The following EDIL3 variants were observed in gnomAD, a reference collection of about 807,000 sequenced individuals.
EDIL3 encodes EGF-like repeat and discoidin I-like domain-containing protein 3.
In EDIL3, 37 loss-of-function variants were observed where a neutral mutation model predicts 67.4. That is an observed-to-expected ratio of 0.55 (90% CI 0.42 to 0.72). The LOEUF is 0.72. EDIL3 is among the 30% of genes least tolerant of loss of function. The pLI, the probability that EDIL3 is intolerant of heterozygous loss-of-function variation, is 0.00. For missense variants in EDIL3, 527 were observed against 586.3 expected (o/e 0.90, Z 1.04); for synonymous variants, 195 against 196.3 (o/e 0.99, Z 0.05).
At chr5:84,302,747 T>C (rs1348432372) in intron 1 of EDIL3, among the ~76,000 whole-genome samples, 1 of 152,216 alleles carries the variant, frequency 6.6e-6, no homozygotes, top group African/African-American at 2.4e-5. Context: ...TTCCAGATAG[T>C]ATCATCGACT....
chr5:83,986,966 G>T (rs1402504666), intron 9 of EDIL3, among the ~76,000 whole-genome samples: 1 of 152,054 alleles, frequency 6.6e-6, no homozygotes, highest in Non-Finnish European at 1.5e-5. Flanking sequence ...TCTTAGTAAC[G>T]AGCCATGATC....
At chr5:84,089,073 G>A (rs1452326747) in intron 6 of EDIL3, among the ~76,000 whole-genome samples, 2 of 152,142 alleles carry the variant, frequency 1.3e-5, no homozygotes, top group African/African-American at 4.8e-5. Flanking sequence ...ATGGAAATAG[G>A]AGAAGATGAA....
At chr5:84,132,463 T>TTATATATAATATATATTTTAA (rs1748000227) in intron 5 of EDIL3, among the ~76,000 whole-genome samples, 1 of 112,962 alleles carries the variant, frequency 8.9e-6, no homozygotes, top group Non-Finnish European at 1.7e-5. Flanking sequence ...ATTATGTATT[T>TTATATATAATATATATTTTAA]TATATATAAT....
At chr5:84,346,354 T>C (rs1414737780) in intron 1 of EDIL3, among the ~76,000 whole-genome samples, 1 of 152,164 alleles carries the variant, frequency 6.6e-6, no homozygotes, top group South Asian at 2.1e-4. Context: ...ATAGCACAAA[T>C]GCAGCCAGTG....
At chr5:84,340,550 A>C (rs1423077073) in intron 1 of EDIL3, among the ~76,000 whole-genome samples, 1,937 of 124,422 alleles carry the variant, frequency 0.016, 26 homozygotes, top group Non-Finnish European at 0.019. Flanking sequence ...ATATATATAT[A>C]TATATATATA....
At chr5:83,952,292 C>T (rs1345384651) in intron 10 of EDIL3, among the ~76,000 whole-genome samples, 1 of 151,714 alleles carries the variant, frequency 6.6e-6, no homozygotes, top group Admixed American at 6.6e-5. Flanking sequence ...TAGGATACAC[C>T]ACCATATTTA....
At chr5:84,176,208 T>TATATATATATATATATATATA (rs1466999470) in intron 4 of EDIL3, among the ~76,000 whole-genome samples, 1 of 32,984 alleles carries the variant, frequency 3.0e-5, no homozygotes, top group African/African-American at 8.7e-5. Context: ...AATATATATA[T>TATATATATATATATATATATA]ATATATATAT....
chr5:84,307,098 G>C (rs1264941890), intron 1 of EDIL3, among the ~76,000 whole-genome samples: 1 of 152,192 alleles, frequency 6.6e-6, no homozygotes, highest in African/African-American at 2.4e-5. Flanking sequence ...TAGTTAGGAA[G>C]GTACAATTGA....
intron 4 of EDIL3, among the ~76,000 whole-genome samples, chr5:84,141,357 T>TAG (rs1308701643): frequency 6.7e-6 from 1 of 150,308 alleles, no homozygotes; most frequent in Non-Finnish European, 1.5e-5. Context: ...CCTTCTTGTG[T>TAG]CACTGAGGCA....
chr5:84,004,027 C>T (rs1054664957), intron 9 of EDIL3, among the ~76,000 whole-genome samples: 1 of 151,428 alleles, frequency 6.6e-6, no homozygotes, highest in Non-Finnish European at 1.5e-5. Flanking sequence ...GGTTGCTATT[C>T]TTATTTCAGA....
At chr5:84,158,268 C>T (rs1202295391) in intron 4 of EDIL3, among the ~76,000 whole-genome samples, 1 of 151,958 alleles carries the variant, frequency 6.6e-6, no homozygotes, top group Admixed American at 6.6e-5. Flanking sequence ...AAGGGTCTTA[C>T]CAATTTACCT....
At chr5:83,949,639 T>C (rs1158256852) in intron 10 of EDIL3, among the ~76,000 whole-genome samples, 1 of 151,874 alleles carries the variant, frequency 6.6e-6, no homozygotes, top group Non-Finnish European at 1.5e-5. Flanking sequence ...ATATCTTTTT[T>C]CTATTGAACA....
intron 9 of EDIL3, chr5:84,047,671 T>G (rs1746247490): frequency 6.6e-6 from 1 of 152,072 alleles, no homozygotes; most frequent in African/African-American, 2.4e-5. Flanking sequence ...AAGGAGAAGA[T>G]AGGCTGGGGC....
chr5:84,362,792 A>T (rs79334546), intron 1 of EDIL3, among the ~76,000 whole-genome samples: 2,233 of 152,312 alleles, frequency 0.015, 62 homozygotes, highest in African/African-American at 0.051. Context: ...AGCTGTTATC[A>T]GTAGCAACAT....
intron 1 of EDIL3, among the ~76,000 whole-genome samples, chr5:84,316,640 G>T (rs1746518868): frequency 6.6e-6 from 1 of 151,896 alleles, no homozygotes; most frequent in Non-Finnish European, 1.5e-5. Flanking sequence ...AAGAGACTTA[G>T]ACTCCCACAC....
intron 9 of EDIL3, among the ~76,000 whole-genome samples, chr5:84,039,099 A>G (rs1174384009): frequency 1.4e-5 from 2 of 144,220 alleles, no homozygotes; most frequent in South Asian, 4.3e-4. Flanking sequence ...TTCAAATCCT[A>G]AAGACTGTGT....
At chr5:84,126,827 C>T (rs1483904849) in intron 5 of EDIL3, among the ~76,000 whole-genome samples, 2 of 152,000 alleles carry the variant, frequency 1.3e-5, no homozygotes, top group African/African-American at 4.8e-5. Context: ...ACTGAGAATG[C>T]CCTTATATTA....
chr5:84,248,319 T>A (rs1452243319), intron 2 of EDIL3, among the ~76,000 whole-genome samples: 1 of 152,180 alleles, frequency 6.6e-6, no homozygotes, highest in African/African-American at 2.4e-5. Flanking sequence ...GATTACCCAC[T>A]CCTTGAGACA....
At chr5:84,134,178 AATTCAC>A (rs969358540) in intron 5 of EDIL3, among the ~76,000 whole-genome samples, 1 of 152,204 alleles carries the variant, frequency 6.6e-6, no homozygotes, top group Non-Finnish European at 1.5e-5. Context: ...TACAGTAAAT[AATTCAC>A]AGTTATTTTT....
Sources: allele counts gnomAD v4.1 joint callset (sites outside exome capture counted in the v4.1 genomes callset), GRCh38; gene constraint gnomAD v4.1.1; transcripts MANE v1.5; gene names NCBI Gene and HGNC (gene_info 2026-07-23, HGNC 2026-07-21).